Variants in WDR7 observed in about 807,000 individuals in gnomAD.
WDR7 encodes the protein WD repeat-containing protein 7.
A neutral mutation model predicts 169.4 loss-of-function variants in WDR7; 46 were observed. The ratio of observed to expected loss-of-function variants is 0.27; its 90% CI spans 0.21 to 0.35. The LOEUF (loss-of-function observed/expected upper bound fraction) is 0.35, where lower values mean the gene tolerates loss of function less well. Ranked by LOEUF, WDR7 falls within the 10% of genes least tolerant of loss-of-function variation. WDR7 has a pLI of 1.00. For synonymous variants in WDR7, 612 were observed against 666.8 expected, an observed-to-expected ratio of 0.92 and a Z score of 1.27; for missense variants, 1,534 against 1,859.3, an observed-to-expected ratio of 0.83 and a Z score of 3.22.
At chr18:56,871,197 T>G (rs1488049461) in intron 20 of WDR7, among the ~76,000 whole-genome samples, 1 of 152,222 alleles carries the variant, frequency 6.6e-6, no homozygotes, top group Non-Finnish European at 1.5e-5. Context: ...GAAAGTTCGC[T>G]TGTTCTCCAG....
At chr18:56,727,292 A>G (rs931624720) in intron 13 of WDR7, among the ~76,000 whole-genome samples, 6 of 151,868 alleles carry the variant, frequency 4.0e-5, no homozygotes, top group African/African-American at 1.5e-4. Context: ...ATATTCAGGC[A>G]GAGTCCACTC....
At chr18:56,693,260 T>A (rs2025616756) in intron 9 of WDR7, among the ~76,000 whole-genome samples, 1 of 152,160 alleles carries the variant, frequency 6.6e-6, no homozygotes, top group Admixed American at 6.5e-5. Context: ...AAGATTCTGT[T>A]CTTTAATATT....
In WDR7 at chr18:56,964,443, C is replaced by T. The variant is rs141040034; in HGVS notation, c.4164+1914C>T. ...TAGAGTACAGAAGGTGTGATCTTGG[C>T]TCACTGCAACCTCTTCCTTGAGGGT... is the stretch of plus-strand genomic sequence containing the variant. On this transcript the variant is annotated intron_variant, in intron 26 of 27. Coordinates refer to ENST00000254442, the MANE Select transcript of WDR7 (RefSeq NM_015285.3). Among the ~76,000 whole-genome samples, 735 of 152,146 alleles carry T rather than the reference C, an allele frequency of 4.8e-3. 3 individuals are homozygous for T. Among genetic ancestry groups the T allele is most frequent in the Non-Finnish European group, 8.6e-3 (582 of 67,986 alleles).
chr18:56,827,816 C>T (rs1402336007), intron 20 of WDR7, among the ~76,000 whole-genome samples: 3 of 151,622 alleles, frequency 2.0e-5, no homozygotes, highest in African/African-American at 7.3e-5. Context: ...CTCATGTACC[C>T]CATAAATATA....
At chr18:56,670,623 G>C (rs1222311601) in intron 1 of WDR7, among the ~76,000 whole-genome samples, 1 of 152,018 alleles carries the variant, frequency 6.6e-6, no homozygotes. Context: ...TGATTCTCCT[G>C]CCTTAGCCTC....
intron 12 of WDR7, among the ~76,000 whole-genome samples, chr18:56,716,405 C>G (rs1483213751): frequency 6.6e-6 from 1 of 151,446 alleles, no homozygotes; most frequent in Non-Finnish European, 1.5e-5. Context: ...ACACAAAGTA[C>G]AAATGAAGCT....
At chr18:56,981,348 T>G (rs2047641943) in intron 26 of WDR7, among the ~76,000 whole-genome samples, 1 of 152,208 alleles carries the variant, frequency 6.6e-6, no homozygotes, top group Non-Finnish European at 1.5e-5. Context: ...CTAACAAGTA[T>G]TCAGCTATAT....
At chr18:56,658,178 A>G (rs769380578) in intron 1 of WDR7, among the ~76,000 whole-genome samples, 2 of 152,054 alleles carry the variant, frequency 1.3e-5, no homozygotes, top group Non-Finnish European at 2.9e-5. Flanking sequence ...ATCTCGGCTC[A>G]CTGCAACCTC....
chr18:56,677,040 G>A (rs1306465936), intron 2 of WDR7, among the ~76,000 whole-genome samples: 1 of 152,170 alleles, frequency 6.6e-6, no homozygotes, highest in East Asian at 1.9e-4. Context: ...CATAGTTACA[G>A]TGTTGCAATA....
At chr18:56,814,174 T>A (rs1452196448) in intron 19 of WDR7, among the ~76,000 whole-genome samples, 1 of 152,228 alleles carries the variant, frequency 6.6e-6, no homozygotes, top group Non-Finnish European at 1.5e-5. Flanking sequence ...TTAAATGAGA[T>A]AAATGTAAAT....
chr18:56,986,866 T>C (rs966420089), intron 26 of WDR7, among the ~76,000 whole-genome samples: 5 of 151,268 alleles, frequency 3.3e-5, no homozygotes, highest in African/African-American at 7.3e-5. Context: ...AGGATGAGAG[T>C]AGATGCCATT....
At chr18:57,022,899 T>A (rs2048310715) in intron 27 of WDR7, among the ~76,000 whole-genome samples, 1 of 152,226 alleles carries the variant, frequency 6.6e-6, no homozygotes, top group Non-Finnish European at 1.5e-5. Flanking sequence ...GACACGTGGC[T>A]TTGCACACAG....
At chr18:56,858,806 T>C (rs1447637232) in intron 20 of WDR7, among the ~76,000 whole-genome samples, 1 of 152,208 alleles carries the variant, frequency 6.6e-6, no homozygotes, top group African/African-American at 2.4e-5. Context: ...TGCCAGGCAT[T>C]GTTCTAAACC....
chr18:56,717,861 TG>T, intron 12 of WDR7, 102 bp from the exon 13 acceptor site: 1 of 1,145,842 alleles, frequency 8.7e-7, no homozygotes, highest in African/African-American at 1.6e-5. Context: ...GGTTTTTCAG[TG>T]GCAGCAAATG....
chr18:56,728,421 A>G (rs532403003), intron 13 of WDR7, among the ~76,000 whole-genome samples: 1 of 151,954 alleles, frequency 6.6e-6, no homozygotes, highest in Non-Finnish European at 1.5e-5. Context: ...CACACTGGAT[A>G]TTTTTTTTCT....
intron 27 of WDR7, among the ~76,000 whole-genome samples, chr18:57,021,263 C>T (rs961757320): frequency 1.1e-4 from 16 of 152,090 alleles, no homozygotes; most frequent in African/African-American, 3.1e-4. Context: ...GGCACAGGTG[C>T]ATGAGTAGCC....
chr18:56,968,073 A>T (rs1174760386), intron 26 of WDR7, among the ~76,000 whole-genome samples: 1 of 152,106 alleles, frequency 6.6e-6, no homozygotes, highest in Non-Finnish European at 1.5e-5. Context: ...TGGTAGATGT[A>T]GGCATTTACT....
At chr18:56,654,570 A>G (rs627617) in intron 1 of WDR7, among the ~76,000 whole-genome samples, 15,580 of 152,214 alleles carry the variant, frequency 0.1, 927 homozygotes, top group Non-Finnish European at 0.14. Context: ...TATTCCATAG[A>G]TACTAATCAT....
At chr18:56,766,225 T>G (rs537249977) in intron 16 of WDR7, among the ~76,000 whole-genome samples, 1 of 151,610 alleles carries the variant, frequency 6.6e-6, no homozygotes, top group African/African-American at 2.4e-5. Context: ...TTTGAGCAGT[T>G]TGATTGTGTG....
Sources: allele counts gnomAD v4.1 joint callset (sites outside exome capture counted in the v4.1 genomes callset), GRCh38; gene constraint gnomAD v4.1.1; transcripts MANE v1.5; gene names NCBI Gene and HGNC (gene_info 2026-07-23, HGNC 2026-07-21).